Variants in ARID1A observed in about 807,000 individuals in gnomAD.
ARID1A encodes AT-rich interaction domain 1A, also known as AT-rich interactive domain-containing protein 1A.
ARID1A carries 20 observed loss-of-function variants against 212.6 expected under a neutral mutation model. The ratio of observed to expected loss-of-function variants is 0.09; its 90% confidence interval spans 0.07 to 0.14. The LOEUF is 0.14. ARID1A is among the 10% of genes least tolerant of loss of function. The probability of loss-of-function intolerance (pLI) is 1.00; values close to 1 mark genes in which losing one functional copy is unlikely to be tolerated. For synonymous variants in ARID1A, 1,376 were observed against 1,222.1 expected (o/e 1.13, Z -2.63); for missense variants, 2,587 against 3,059.0 (o/e 0.85, Z 3.64).
At chr1:26,758,868 C>T (rs1446064633) in intron 4 of ARID1A, among the ~76,000 whole-genome samples, 4 of 152,332 alleles carry the variant, frequency 2.6e-5, no homozygotes, top group Middle Eastern at 3.4e-3. Flanking sequence ...TCTGACTTCT[C>T]AGCTAACATG....
intron 1 of ARID1A, among the ~76,000 whole-genome samples, chr1:26,716,889 G>A (rs2080508069): frequency 1.3e-5 from 2 of 152,176 alleles, no homozygotes; most frequent in Admixed American, 1.3e-4. Context: ...CCCTCCCAAA[G>A]TGCTGAGATT....
rs1286351909 is a variant in ARID1A, at chr1:26,696,658, C to T, written c.255C>T (p.Gly85=). ...CCGAGAGCAATGGGGGTGGCGGCGG[C>T]GGCGGAGCCGGCAGCGGCGGCGGGC... The part of the protein sequence containing the change: ...DGAESNGGGG[G]GGAGSGGGPG... Residue 85 remains glycine, a synonymous_variant, in exon 1 of 20, where the codon GGC becomes GGT. Coordinates refer to ENST00000324856, the MANE Select transcript of ARID1A (RefSeq NM_006015.6). 5.3e-6 allele frequency: 7 copies of T among 1,315,108 alleles called. No homozygotes were observed. The highest frequency in any genetic ancestry group is 6.8e-6 in the Non-Finnish European group (7 of 1,035,854). The allele number at this position is 1,315,108 out of a possible 1,614,324, so 81.5% of individuals were successfully genotyped here.
At chr1:26,753,582 T>C (rs1046268739) in intron 4 of ARID1A, among the ~76,000 whole-genome samples, 6 of 152,180 alleles carry the variant, frequency 3.9e-5, no homozygotes, top group Admixed American at 3.3e-4. Flanking sequence ...CAAAACACAT[T>C]GGAAACACGT....
At chr1:26,728,351 T>C (rs1222042082) in intron 1 of ARID1A, among the ~76,000 whole-genome samples, 1 of 152,228 alleles carries the variant, frequency 6.6e-6, no homozygotes, top group Non-Finnish European at 1.5e-5. Context: ...AAACACTTAA[T>C]AGCATTATTA....
intron 2 of ARID1A, 61 bp downstream of exon 2, chr1:26,729,924 A>C (rs1206984637): frequency 7.1e-6 from 11 of 1,559,384 alleles, no homozygotes; most frequent in Non-Finnish European, 9.7e-6. Context: ...TCTGTGAGCT[A>C]TAGAATCAGA....
In ARID1A at chr1:26,766,463, C is replaced by T. The variant is rs750488480; in HGVS notation, c.2885C>T (p.Ala962Val). 1 of 1,613,854 alleles carries T rather than the reference C, an allele frequency of 6.2e-7. No homozygotes were observed. The highest frequency in any genetic ancestry group is 1.3e-5 in the African/African-American group (1 of 74,850). Reference sequence around the variant, plus strand: ...ATTTTTTTCTCTTTTACAGGGATGGCAGCCAGCCCAGAGATGATGGGCCTT... The same window carrying T: ...ATTTTTTTCTCTTTTACAGGGATGGTAGCCAGCCCAGAGATGATGGGCCTT... ...GTMANNSAGM[A>V]ASPEMMGLGD... Residue 962 changes from alanine (A) to valine (V), a missense_variant, in exon 10 of 20, where the codon GCA becomes GTA. By Grantham distance (64) the Ala-to-Val change is moderately conservative. This residue lies in a region of ARID1A where 674 missense variants were observed against 813.4 expected (regional missense o/e 0.83). Coordinates refer to ENST00000324856, the MANE Select transcript of ARID1A (RefSeq NM_006015.6).
chr1:26,745,487 A>G (rs893828947), intron 4 of ARID1A, among the ~76,000 whole-genome samples: 1 of 152,216 alleles, frequency 6.6e-6, no homozygotes, highest in Non-Finnish European at 1.5e-5. Context: ...TTTCGTTTTT[A>G]AGCTTTTTAA....
intron 1 of ARID1A, among the ~76,000 whole-genome samples, chr1:26,716,043 A>G (rs1468154716): frequency 5.3e-5 from 8 of 151,980 alleles, no homozygotes; most frequent in African/African-American, 1.9e-4. Flanking sequence ...CATCTCTACT[A>G]AAAATAACAA....
At chr1:26,713,665 A>G (rs1324142897) in intron 1 of ARID1A, among the ~76,000 whole-genome samples, 4 of 152,090 alleles carry the variant, frequency 2.6e-5, no homozygotes, top group South Asian at 2.1e-4. Context: ...GAAGATTTTT[A>G]GTATCTGCTT....
intron 11 of ARID1A, chr1:26,770,890 A>G: frequency 1.8e-6 from 1 of 554,764 alleles, no homozygotes; most frequent in Non-Finnish European, 3.2e-6. Flanking sequence ...CCCTGTTGTG[A>G]ATAAGCACAG....
At position 26,780,880 on chromosome 1, in the gene ARID1A, C is replaced by T; in HGVS notation, c.*124C>T. The stretch of plus-strand genomic sequence containing the variant: ...CAGTTTACCCTGTGCTGTCCAGCTT[C>T]TCCCTTGGGAAAAAGTCTCTCCTGT... On this transcript the variant is annotated 3_prime_UTR_variant, in exon 20 of 20. Transcript: ENST00000324856. This position sits in a 1 kb window ranked among gnomAD's most constrained non-coding sequence, Gnocchi z 7.2. 1 of 1,363,636 alleles carries T rather than the reference C, an allele frequency of 7.3e-7. No individual in the cohort carries two copies. The highest frequency in any genetic ancestry group is 9.8e-7 in the Non-Finnish European group (1 of 1,017,156). 84.5% of individuals were successfully genotyped at this position (1,363,636 alleles called of 1,614,324 possible).
At chr1:26,761,777 G>A (rs71636777) in intron 6 of ARID1A, among the ~76,000 whole-genome samples, 8,721 of 152,196 alleles carry the variant, frequency 0.057, 322 homozygotes, top group Non-Finnish European at 0.08. Context: ...GGGCTTGGCC[G>A]TGTTAATGTC....
intron 4 of ARID1A, among the ~76,000 whole-genome samples, chr1:26,738,255 C>G (rs898902078): frequency 1.3e-5 from 2 of 152,114 alleles, no homozygotes; most frequent in Non-Finnish European, 2.9e-5. Context: ...AACTCCTGAC[C>G]TGGGTGATCC....
rs375067586 is a variant in ARID1A at position 26,731,121 on chromosome 1, A to G, written c.1351-31A>G. 27 of 1,584,448 alleles carry G rather than the reference A, an allele frequency of 1.7e-5. No individual in the cohort carries two copies. In the African/African-American group the frequency reaches 3.5e-4, roughly 21 times the overall value. Reference sequence around the variant, plus strand: ...TCATCTTTCCTCATGCAGGAGAGTCAGTGCTAAAAGTATATTTTCCTTTCC... The same window carrying G: ...TCATCTTTCCTCATGCAGGAGAGTCGGTGCTAAAAGTATATTTTCCTTTCC... On this transcript the variant is annotated intron_variant, in intron 2 of 19. Coordinates refer to ENST00000324856, the MANE Select transcript of ARID1A (RefSeq NM_006015.6).
intron 4 of ARID1A, 101 bp from the exon 5 acceptor site, chr1:26,760,755 C>T (rs1013056749): frequency 3.9e-6 from 5 of 1,290,314 alleles, no homozygotes; most frequent in Middle Eastern, 4.1e-4. Flanking sequence ...TGTATTTGCT[C>T]TTGGTTGTTT....
chr1:26,704,686 C>A lies in ARID1A; in HGVS notation c.1137+7146C>A, dbSNP rs181549651. On this transcript the variant is annotated intron_variant, in intron 1 of 19. Transcript: ENST00000324856. ...GGACCAGGCTATTAACATAGGGAGA[C>A]CCCATCTTTACAAGACACAAAAATT... 2.0e-5 allele frequency among the ~76,000 whole-genome samples: 3 copies of A among 152,064 alleles called. No homozygotes were observed. In the East Asian group the frequency reaches 5.8e-4, roughly 29 times the overall value.
rs2124143363 is a variant in ARID1A at position 26,779,744 on chromosome 1, A to G, written c.5846A>G (p.His1949Arg). ...FPFGISPAQS[H>R]RNIKILEDEP... ...TTTGGCATTAGCCCAGCACAGAGCCACCGGAACATCAAGATCCTAGAGGAC... is the reference window on the plus strand; with the variant it reads ...TTTGGCATTAGCCCAGCACAGAGCCGCCGGAACATCAAGATCCTAGAGGAC... Residue 1949 changes from histidine (H) to arginine (R), a missense_variant, in exon 20 of 20, where the codon CAC (histidine) becomes CGC (arginine). By Grantham distance (29) the His-to-Arg change is conservative (BLOSUM62 0). Coordinates refer to ENST00000324856, the MANE Select transcript of ARID1A (RefSeq NM_006015.6). The G allele has an allele frequency of 6.2e-7, 1 of 1,614,162 alleles. No homozygotes were observed. Among genetic ancestry groups the G allele is most frequent in the African/African-American group, 1.3e-5 (1 of 75,030 alleles).
chr1:26,710,475 CAAAA>C (rs1431764525), intron 1 of ARID1A, among the ~76,000 whole-genome samples: 8 of 88,218 alleles, frequency 9.1e-5, no homozygotes, highest in Non-Finnish European at 1.5e-4. Flanking sequence ...GATGCCATCT[CAAAA>C]AATAAAATAA....
In ARID1A at chr1:26,768,142, G is replaced by A. The variant is rs2081054671; in HGVS notation, c.3198+143G>A. 5.3e-6 allele frequency: 5 copies of A among 939,766 alleles called. No homozygotes were observed. The South Asian group carries it at 8.7e-5, about 16-fold the overall frequency. The allele number at this position is 939,766 out of a possible 1,614,324, so 58.2% of individuals were successfully genotyped here. On this transcript the variant is annotated intron_variant, in intron 11 of 19. Coordinates refer to ENST00000324856, the MANE Select transcript of ARID1A (RefSeq NM_006015.6). ...TCTGAGTCTAATATTGATAGACCGG[G>A]GAGCACAGGTTTCCCAGAAGATAAG...
Sources: allele counts gnomAD v4.1 joint callset (sites outside exome capture counted in the v4.1 genomes callset), GRCh38; gene constraint gnomAD v4.1.1; regional missense constraint gnomAD v4.1.1; non-coding constraint Gnocchi (gnomAD v3.1); transcripts MANE v1.5; gene names NCBI Gene and HGNC (gene_info 2026-07-23, HGNC 2026-07-21).